The following CDYL variants were observed in gnomAD, a reference collection of about 807,000 sequenced individuals.
CDYL encodes chromodomain Y like.
CDYL carries 8 observed loss-of-function variants against 47.3 expected under a neutral mutation model. The observed-to-expected ratio is 0.17, with a 90% CI of 0.10 to 0.31. The LOEUF is 0.31. Among genes scored for constraint, CDYL ranks in the 10% least tolerant of loss-of-function variants. The probability of loss-of-function intolerance (pLI) is 1.00; values close to 1 mark genes in which losing one functional copy is unlikely to be tolerated. For missense variants in CDYL, 471 were observed against 701.4 expected (o/e 0.67, Z 3.71); for synonymous variants, 266 against 265.0 (o/e 1.00, Z -0.04).
At chr6:4,888,145 A>G (rs923545254) in intron 1 of CDYL, among the ~76,000 whole-genome samples, 1 of 152,136 alleles carries the variant, frequency 6.6e-6, no homozygotes, top group Non-Finnish European at 1.5e-5. Context: ...GTATAGGTCT[A>G]TAGCTTTCTT....
intron 2 of CDYL, among the ~76,000 whole-genome samples, chr6:4,902,360 C>G (rs1281633146): frequency 6.6e-6 from 1 of 150,524 alleles, no homozygotes; most frequent in Non-Finnish European, 1.5e-5. Context: ...GAGCCAAGAT[C>G]GCACCATTGC....
intron 1 of CDYL, among the ~76,000 whole-genome samples, chr6:4,855,242 C>G (rs1486646700): frequency 6.6e-6 from 1 of 152,040 alleles, no homozygotes; most frequent in Admixed American, 6.5e-5. Flanking sequence ...ATAATTGACC[C>G]TTTTCTCTAT....
chr6:4,896,981 C>T (rs1055236683), intron 2 of CDYL, among the ~76,000 whole-genome samples: 10 of 152,074 alleles, frequency 6.6e-5, no homozygotes, highest in East Asian at 1.9e-4. Context: ...TTAAGTATGA[C>T]GCAAAGGCTT....
chr6:4,865,193 A>G (rs1761286691), intron 1 of CDYL, among the ~76,000 whole-genome samples: 1 of 152,070 alleles, frequency 6.6e-6, no homozygotes, highest in African/African-American at 2.4e-5. Context: ...CACCTGCTCC[A>G]TCTTGAGTCA....
At chr6:4,945,974 T>C (rs1224146077) in intron 5 of CDYL, among the ~76,000 whole-genome samples, 1 of 152,248 alleles carries the variant, frequency 6.6e-6, no homozygotes, top group Non-Finnish European at 1.5e-5. Flanking sequence ...CCAGAGGATA[T>C]GCCCATGCCT....
intron 1 of CDYL, among the ~76,000 whole-genome samples, chr6:4,851,909 A>G (rs1012757753): frequency 6.6e-5 from 10 of 152,096 alleles, no homozygotes; most frequent in African/African-American, 1.9e-4. Flanking sequence ...GATACTAACC[A>G]AAAACAGTGT....
chr6:4,777,318 T>A (rs1758496368), intron 1 of CDYL, among the ~76,000 whole-genome samples: 1 of 152,196 alleles, frequency 6.6e-6, no homozygotes, highest in Non-Finnish European at 1.5e-5. Flanking sequence ...TGCTAAACGT[T>A]GACCACATGC....
At chr6:4,782,692 G>A (rs1043086492) in intron 1 of CDYL, among the ~76,000 whole-genome samples, 2 of 152,076 alleles carry the variant, frequency 1.3e-5, no homozygotes, top group Non-Finnish European at 2.9e-5. Context: ...TATTTCAGAG[G>A]GAGAGAATCA....
intron 1 of CDYL, among the ~76,000 whole-genome samples, chr6:4,854,453 A>C (rs1413118319): frequency 3.9e-5 from 6 of 152,200 alleles, no homozygotes; most frequent in Non-Finnish European, 8.8e-5. Flanking sequence ...ACAGGCTCCC[A>C]GTGAGTCATT....
chr6:4,773,075 GAA>G (rs1294904931), upstream of CDYL: 2 of 456,396 alleles, frequency 4.4e-6, no homozygotes, highest in Non-Finnish European at 8.8e-6. This position sits in a 1 kb window ranked among gnomAD's most constrained non-coding sequence, Gnocchi z 4.6. Context: ...TTCTTGATCT[GAA>G]GAGTCTTATC....
intron 1 of CDYL, among the ~76,000 whole-genome samples, chr6:4,825,583 T>G (rs1759959803): frequency 6.6e-6 from 1 of 152,206 alleles, no homozygotes; most frequent in Non-Finnish European, 1.5e-5. Context: ...CTGCATTGAT[T>G]GAGGTGATCC....
At chr6:4,718,528 T>G (rs1757311846) in intron 2 of CDYL, 1 of 152,202 alleles carries the variant, frequency 6.6e-6, no homozygotes, top group Admixed American at 6.5e-5. Context: ...TTCACTCACC[T>G]CAACCTTCCA....
intron 1 of CDYL, chr6:4,715,680 G>A: frequency 6.8e-6 from 10 of 1,475,858 alleles, no homozygotes; most frequent in African/African-American, 1.4e-5. Context: ...TAAATGCCAT[G>A]AGCCTTGGGT....
intron 2 of CDYL, among the ~76,000 whole-genome samples, chr6:4,720,785 AAAT>A (rs747824197): frequency 1.2e-4 from 18 of 152,190 alleles, no homozygotes; most frequent in African/African-American, 4.1e-4. Context: ...TCCTGCTGGA[AAAT>A]AATATCTTGA....
intron 1 of CDYL, among the ~76,000 whole-genome samples, chr6:4,783,954 T>G (rs1051379543): frequency 2.6e-5 from 4 of 152,230 alleles, no homozygotes; most frequent in Admixed American, 2.6e-4. Flanking sequence ...TCTGTACTCG[T>G]CAGGAATTCC....
chr6:4,911,472 CT>C (rs1379253135), intron 2 of CDYL, among the ~76,000 whole-genome samples: 1 of 152,166 alleles, frequency 6.6e-6, no homozygotes, highest in Non-Finnish European at 1.5e-5. Context: ...AAAGTTTTTC[CT>C]GGTTTAGTGA....
intron 1 of CDYL, among the ~76,000 whole-genome samples, chr6:4,790,053 C>T (rs2127434351): frequency 6.6e-6 from 1 of 152,220 alleles, no homozygotes; most frequent in Non-Finnish European, 1.5e-5. Context: ...TTTTGCTAGG[C>T]TGGTGTTGTG....
chr6:4,900,720 T>G (rs1757002118), intron 2 of CDYL, among the ~76,000 whole-genome samples: 2 of 144,346 alleles, frequency 1.4e-5, no homozygotes, highest in African/African-American at 5.2e-5. Context: ...ACAGGAAAAC[T>G]GTTTTTGCAA....
At chr6:4,872,560 A>G (rs1761506188) in intron 1 of CDYL, among the ~76,000 whole-genome samples, 1 of 151,954 alleles carries the variant, frequency 6.6e-6, no homozygotes, top group African/African-American at 2.4e-5. Flanking sequence ...TTTTGTATTT[A>G]GTAGACACAG....
Sources: allele counts gnomAD v4.1 joint callset (sites outside exome capture counted in the v4.1 genomes callset), GRCh38; gene constraint gnomAD v4.1.1; non-coding constraint Gnocchi (gnomAD v3.1); transcripts MANE v1.5; gene names NCBI Gene and HGNC (gene_info 2026-07-23, HGNC 2026-07-21).